The following NFKBIZ variants were observed in gnomAD, a reference collection of about 807,000 sequenced individuals.
NFKBIZ encodes NFKB inhibitor zeta.
In NFKBIZ, 19 loss-of-function variants were observed where a neutral mutation model predicts 76.8. That is an observed-to-expected ratio of 0.25 (90% CI 0.17 to 0.36). The LOEUF is 0.36. Ranked by LOEUF, NFKBIZ falls within the 10% of genes least tolerant of loss-of-function variation. The pLI is 1.00. For missense variants in NFKBIZ, 829 were observed against 910.9 expected (o/e 0.91, Z 1.16); for synonymous variants, 368 against 354.8 (o/e 1.04, Z -0.42).
chr3:101,830,070 G>A (rs1942628028), intron 2 of NFKBIZ, among the ~76,000 whole-genome samples: 1 of 152,152 alleles, frequency 6.6e-6, no homozygotes, highest in South Asian at 2.1e-4. Context: ...CTCAGTTTTG[G>A]TGAAGAGGCT....
At position 101,855,766 on chromosome 3, in the gene NFKBIZ, A is replaced by G. The variant is rs1943040393; in HGVS notation, c.1688A>G (p.His563Arg). Reference sequence around the variant, plus strand: ...CCCCTTCACTGTGCAGTCATAGCCCACAATGCTGTGGTCCATGAACTCCAG... The same window carrying G: ...CCCCTTCACTGTGCAGTCATAGCCCGCAATGCTGTGGTCCATGAACTCCAG... ...LTPLHCAVIA[H>R]NAVVHELQRN... The change falls in exon 9 of 12, where the codon CAC (histidine) becomes CGC (arginine). Residue 563 changes from histidine to arginine, a missense_variant. His to Arg is a conservative substitution (Grantham distance 29, BLOSUM62 0). Coordinates refer to ENST00000326172, the MANE Select transcript of NFKBIZ (RefSeq NM_031419.4). 6.2e-7 allele frequency: 1 copy of G among 1,612,578 alleles called. No individual in the cohort carries two copies. Among genetic ancestry groups the G allele is most frequent in the African/African-American group, 1.3e-5 (1 of 74,780 alleles).
intron 2 of NFKBIZ, among the ~76,000 whole-genome samples, chr3:101,841,286 T>A (rs1217500340): frequency 6.6e-6 from 1 of 152,228 alleles, no homozygotes. Flanking sequence ...CAGAACTTAC[T>A]AACTACAGCT....
chr3:101,839,006 A>C (rs1942756644), intron 2 of NFKBIZ, among the ~76,000 whole-genome samples: 2 of 152,206 alleles, frequency 1.3e-5, no homozygotes, highest in African/African-American at 4.8e-5. Context: ...GCTATTATAA[A>C]CATTATCAGT....
chr3:101,834,174 C>G (rs1036878233), intron 2 of NFKBIZ, among the ~76,000 whole-genome samples: 9 of 152,030 alleles, frequency 5.9e-5, no homozygotes, highest in Non-Finnish European at 1.2e-4. Flanking sequence ...TAAAATCAGA[C>G]TTGGTACCTC....
intron 9 of NFKBIZ, 39 bp from the exon 10 acceptor site, chr3:101,857,034 T>A (rs1445665041): frequency 8.6e-6 from 4 of 466,602 alleles, no homozygotes; most frequent in Non-Finnish European, 1.3e-5. Flanking sequence ...AGTATCTGGA[T>A]TTTTTTTTTT....
chr3:101,853,468 C>A lies in NFKBIZ; in HGVS notation c.942C>A (p.Pro314=), dbSNP rs745801101. 2.5e-6 allele frequency: 4 copies of A among 1,614,242 alleles called. No individual in the cohort carries two copies. In the South Asian group the frequency reaches 4.4e-5, roughly 18 times the overall value. The change falls in exon 5 of 12, where the codon CCC becomes CCA. Residue 314 remains proline (P), a synonymous_variant. Coordinates refer to ENST00000326172, the MANE Select transcript of NFKBIZ (RefSeq NM_031419.4). ...HKPTLEYSPF[P]IPPQSPAYEP... is the part of the protein sequence containing the mutation. ...CAACTCTGGAATACAGTCCTTTTCC[C>A]ATACCTCCCCAGTCCCCCGCTTATG...
intron 2 of NFKBIZ, among the ~76,000 whole-genome samples, chr3:101,835,501 G>A (rs1254010073): frequency 6.6e-6 from 1 of 152,208 alleles, no homozygotes; most frequent in Non-Finnish European, 1.5e-5. Context: ...GAGATTGGAA[G>A]TTCAAGATAA....
At chr3:101,838,988 T>C (rs1366299577) in intron 2 of NFKBIZ, among the ~76,000 whole-genome samples, 1 of 152,208 alleles carries the variant, frequency 6.6e-6, no homozygotes, top group Non-Finnish European at 1.5e-5. Flanking sequence ...AGATATTAAA[T>C]AGTGGTAGCT....
At chr3:101,836,125 G>A (rs1027528724) in intron 2 of NFKBIZ, among the ~76,000 whole-genome samples, 8 of 152,168 alleles carry the variant, frequency 5.3e-5, no homozygotes, top group African/African-American at 1.9e-4. Flanking sequence ...GGGACAGAGT[G>A]GGGAATATGG....
intron 2 of NFKBIZ, among the ~76,000 whole-genome samples, chr3:101,834,835 T>A (rs1054704515): frequency 6.6e-5 from 10 of 152,254 alleles, no homozygotes; most frequent in Non-Finnish European, 1.0e-4. Context: ...GCCACTGTGA[T>A]CGTGTTTTTA....
At chr3:101,847,486 G>A (rs571082666), upstream of NFKBIZ, among the ~76,000 whole-genome samples, 36 of 152,322 alleles carry the variant, frequency 2.4e-4, 1 homozygote, top group South Asian at 1.9e-3. Flanking sequence ...GAAATGTGTC[G>A]TTAAGTGATT....
intron 2 of NFKBIZ, 85 bp from the exon 3 acceptor site, chr3:101,852,653 G>A: frequency 1.2e-6 from 1 of 853,268 alleles, no homozygotes; most frequent in Non-Finnish European, 1.9e-6. Context: ...AGCTATAAAG[G>A]GTGGTAGAGA....
In NFKBIZ at chr3:101,860,574, A is replaced by G. The variant is rs1265896600; in HGVS notation, c.*1203A>G. On this transcript the variant is annotated 3_prime_UTR_variant, in exon 12 of 12. Transcript: ENST00000326172. ...ATTTTTGTTTTTTTACCTTTATTGA[A>G]ACAACAAAAAGTCAGTATTGAAACA... 1 of 152,066 alleles carries G rather than the reference A, an allele frequency of 6.6e-6. No homozygotes were observed. Among genetic ancestry groups the G allele is most frequent in the African/African-American group, 2.4e-5 (1 of 41,414 alleles). The allele number at this position is 152,066 out of a possible 1,614,324, so 9.4% of individuals were successfully genotyped here.
At chr3:101,844,103 A>G (rs1253388483) in intron 2 of NFKBIZ, among the ~76,000 whole-genome samples, 1 of 152,234 alleles carries the variant, frequency 6.6e-6, no homozygotes, top group African/African-American at 2.4e-5. Context: ...GTCAAGTATA[A>G]TTGGTGTTCC....
In NFKBIZ at chr3:101,853,629, A is replaced by G. The variant is rs776149528; in HGVS notation, c.1103A>G (p.Asp368Gly). ...QTSSSVQQQNDAHLHSFSMMP... is the reference protein window; with the variant it reads ...QTSSSVQQQNGAHLHSFSMMP... ...TCCTCCAGTGTTCAGCAGCAAAATGATGCTCACTTGCACAGCTTCAGCATG... is the reference window on the plus strand; with the variant it reads ...TCCTCCAGTGTTCAGCAGCAAAATGGTGCTCACTTGCACAGCTTCAGCATG... The change falls in exon 5 of 12, where the codon GAT becomes GGT. Residue 368 changes from aspartate (D) to glycine (G), a missense_variant. By Grantham distance (94) the Asp-to-Gly change is moderately conservative. Coordinates refer to ENST00000326172, the MANE Select transcript of NFKBIZ (RefSeq NM_031419.4). The G allele has an allele frequency of 1.2e-6, 2 of 1,614,244 alleles. No homozygotes were observed. The highest frequency in any genetic ancestry group is 2.7e-5 in the African/African-American group (2 of 75,056).
chr3:101,850,088 C>T (rs1942927495), intron 1 of NFKBIZ, among the ~76,000 whole-genome samples, 171 bp downstream of exon 1: 1 of 151,648 alleles, frequency 6.6e-6, no homozygotes, highest in Non-Finnish European at 1.5e-5. Flanking sequence ...GCCTGCCTGA[C>T]CTACACGCCC....
At position 101,860,512 on chromosome 3, in the gene NFKBIZ, T is replaced by C. The variant is rs1943116539; in HGVS notation, c.*1141T>C. On this transcript the variant is annotated 3_prime_UTR_variant, in exon 12 of 12. Coordinates refer to ENST00000326172, the MANE Select transcript of NFKBIZ (RefSeq NM_031419.4). Reference sequence around the variant, plus strand: ...TGGAAGAGAACACCTCTTTATGGCTTACCCTCTAGAATTTCTAATTTATGT... The same window carrying C: ...TGGAAGAGAACACCTCTTTATGGCTCACCCTCTAGAATTTCTAATTTATGT... The C allele has an allele frequency of 6.6e-6, 1 of 152,158 alleles. No individual in the cohort carries two copies. Among genetic ancestry groups the C allele is most frequent in the Admixed American group, 6.5e-5 (1 of 15,274 alleles). 9.4% of individuals were successfully genotyped at this position (152,158 alleles called of 1,614,324 possible).
Position 101,849,803 on chromosome 3 carries a change from GCGCCCGGCT to G in NFKBIZ, c.186_194del (p.Pro63_Ser65del). On this transcript the variant is annotated inframe_deletion, in exon 1 of 12. Coordinates refer to ENST00000326172, the MANE Select transcript of NFKBIZ (RefSeq NM_031419.4). ...CAGCTGCTCGGTCTTGGGCCCCTCG[GCGCCCGGCT>G]CGCCCGGCTCCGACTCCTCCGACTT... is the stretch of plus-strand genomic sequence containing the variant. 1 of 1,470,228 alleles carries G rather than the reference GCGCCCGGCT, an allele frequency of 6.8e-7. No individual in the cohort carries two copies. The highest frequency in any genetic ancestry group is 8.9e-7 in the Non-Finnish European group (1 of 1,118,346). The allele number at this position is 1,470,228 out of a possible 1,614,324, so 91.1% of individuals were successfully genotyped here. A position where few individuals can be genotyped will look rare whatever the true frequency, so the allele number is the denominator to read the frequency against.
intron 1 of NFKBIZ, 52 bp downstream of exon 1, chr3:101,849,969 G>A: frequency 7.5e-7 from 1 of 1,338,482 alleles, no homozygotes; most frequent in South Asian, 1.9e-5. Context: ...CGCCTAGGAG[G>A]TTGGGAGCGG....
Sources: allele counts gnomAD v4.1 joint callset (sites outside exome capture counted in the v4.1 genomes callset), GRCh38; gene constraint gnomAD v4.1.1; transcripts MANE v1.5; gene names NCBI Gene and HGNC (gene_info 2026-07-23, HGNC 2026-07-21).